Variants in XIRP2 observed in about 807,000 individuals in gnomAD.
XIRP2 encodes the protein xin actin binding repeat containing 2, also known as xin actin-binding repeat-containing protein 2.
XIRP2 carries 236 observed loss-of-function variants against 277.0 expected under a neutral mutation model. The observed-to-expected ratio is 0.85, with a 90% CI of 0.77 to 0.95. XIRP2 has a LOEUF of 0.95. Ranked by LOEUF, XIRP2 falls within the 40% of genes least tolerant of loss-of-function variation. The pLI is 0.00. For missense variants in XIRP2, 4,640 were observed against 4,157.5 expected, an observed-to-expected ratio of 1.12 and a Z score of -3.19; for synonymous variants, 1,490 against 1,416.5, an observed-to-expected ratio of 1.05 and a Z score of -1.17.
rs183737294 is a variant in XIRP2, at chr2:167,078,816, C to T, written c.409-57093C>T. 2.3e-3 allele frequency among the ~76,000 whole-genome samples: 309 copies of T among 136,652 alleles called. 7 individuals are homozygous for T. The highest frequency in any genetic ancestry group is 3.4e-4 in the Non-Finnish European group (22 of 65,122). The allele number at this position is 136,652 out of a possible 152,430, so 89.6% of individuals were successfully genotyped here. The stretch of plus-strand genomic sequence containing the variant: ...TCGCGCCACTGCACTCCAGCCTGAG[C>T]GACACAGTGAGACTCCGTCTCAAAA... On this transcript the variant is annotated intron_variant, in intron 2 of 10. Coordinates refer to ENST00000409195, the MANE Select transcript of XIRP2 (RefSeq NM_152381.6).
At chr2:166,979,780 G>A (rs1471583288) in intron 2 of XIRP2, among the ~76,000 whole-genome samples, 1 of 152,002 alleles carries the variant, frequency 6.6e-6, no homozygotes, top group African/African-American at 2.4e-5. Context: ...GATTAATTTC[G>A]ATTGCCAATA....
chr2:167,201,272 GAAA>G (rs1693704928), intron 3 of XIRP2, among the ~76,000 whole-genome samples: 1 of 146,960 alleles, frequency 6.8e-6, no homozygotes, highest in Non-Finnish European at 1.5e-5. Flanking sequence ...GAGAGAGGGA[GAAA>G]GGAAAGAAGG....
At chr2:167,023,152 T>C (rs552127006) in intron 2 of XIRP2, among the ~76,000 whole-genome samples, 26 of 152,346 alleles carry the variant, frequency 1.7e-4, no homozygotes, top group African/African-American at 6.3e-4. Context: ...CCATTCTAAC[T>C]GGTGTGAGAT....
intron 5 of XIRP2, among the ~76,000 whole-genome samples, chr2:167,232,041 C>A (rs570166249): frequency 6.6e-6 from 1 of 151,948 alleles, no homozygotes; most frequent in Non-Finnish European, 1.5e-5. Context: ...CCACCCATTG[C>A]CTCTTCAATA....
intron 2 of XIRP2, among the ~76,000 whole-genome samples, chr2:166,982,072 A>T (rs1310144367): frequency 6.6e-6 from 1 of 151,866 alleles, no homozygotes; most frequent in Non-Finnish European, 1.5e-5. Flanking sequence ...CTTTTACTTG[A>T]AAATGTCTTT....
chr2:167,167,524 C>A (rs565698457), intron 3 of XIRP2, among the ~76,000 whole-genome samples: 1 of 152,108 alleles, frequency 6.6e-6, no homozygotes, highest in African/African-American at 2.4e-5. Context: ...TAGTTGTTCT[C>A]AAATTTGCAA....
intron 2 of XIRP2, among the ~76,000 whole-genome samples, chr2:167,047,297 T>A (rs935328147): frequency 6.6e-6 from 1 of 151,656 alleles, no homozygotes; most frequent in South Asian, 2.1e-4. Context: ...AATAACAAAA[T>A]ATGTGATTAA....
intron 2 of XIRP2, among the ~76,000 whole-genome samples, chr2:167,020,930 A>G (rs1687964922): frequency 6.6e-6 from 1 of 152,100 alleles, no homozygotes; most frequent in Non-Finnish European, 1.5e-5. Flanking sequence ...GTTAATTGAA[A>G]TAATCTGCTA....
At chr2:167,056,960 T>C (rs542768010) in intron 2 of XIRP2, among the ~76,000 whole-genome samples, 2 of 152,310 alleles carry the variant, frequency 1.3e-5, no homozygotes, top group African/African-American at 4.8e-5. Context: ...CATTGAAAAC[T>C]TGTTTACTCT....
At chr2:167,010,294 C>T (rs1280931123) in intron 2 of XIRP2, among the ~76,000 whole-genome samples, 2 of 151,448 alleles carry the variant, frequency 1.3e-5, no homozygotes, top group Non-Finnish European at 3.0e-5. Context: ...ATATGGCTAG[C>T]CAGTTTTCCC....
intron 2 of XIRP2, among the ~76,000 whole-genome samples, chr2:166,924,871 A>G (rs1014748369): frequency 6.6e-6 from 1 of 152,082 alleles, no homozygotes; most frequent in African/African-American, 2.4e-5. Context: ...TAAGGGTTCC[A>G]TAGAACTACC....
intron 2 of XIRP2, among the ~76,000 whole-genome samples, chr2:166,934,181 G>GA (rs1212238788): frequency 1.6e-5 from 1 of 63,694 alleles, no homozygotes; most frequent in Non-Finnish European, 3.0e-5. Context: ...TTTTGTTTAG[G>GA]AAAAAATCAA....
chr2:166,917,901 T>A (rs1684932809), intron 2 of XIRP2, among the ~76,000 whole-genome samples: 2 of 152,314 alleles, frequency 1.3e-5, no homozygotes, highest in African/African-American at 2.4e-5. Flanking sequence ...GTGACTATTT[T>A]TTTCCTTTCC....
At chr2:167,097,443 G>A (rs1558979211) in intron 2 of XIRP2, among the ~76,000 whole-genome samples, 1 of 151,836 alleles carries the variant, frequency 6.6e-6, no homozygotes, top group Non-Finnish European at 1.5e-5. Flanking sequence ...GAGCCTATGT[G>A]TGTCTTCACA....
intron 3 of XIRP2, among the ~76,000 whole-genome samples, chr2:167,175,329 C>T (rs1036546059): frequency 2.0e-5 from 3 of 152,126 alleles, no homozygotes; most frequent in African/African-American, 4.8e-5. Flanking sequence ...TAGTGGATGT[C>T]CTTTTTGTTG....
chr2:167,026,006 T>A (rs1394967338), intron 2 of XIRP2, among the ~76,000 whole-genome samples: 1 of 152,166 alleles, frequency 6.6e-6, no homozygotes, highest in African/African-American at 2.4e-5. Context: ...TTCCTGGGTA[T>A]CCTTGTTAAC....
intron 2 of XIRP2, among the ~76,000 whole-genome samples, chr2:167,081,215 C>G (rs1409385728): frequency 6.6e-6 from 1 of 152,114 alleles, no homozygotes; most frequent in East Asian, 1.9e-4. Flanking sequence ...CCTATAATCC[C>G]AGCACTTTGG....
Position 167,243,185 on chromosome 2 carries a change from A to G in XIRP2, c.1793A>G (p.Asp598Gly). The change falls in exon 9 of 11, where the codon GAT becomes GGT. Residue 598 changes from aspartate (D) to glycine (G), a missense_variant. Physicochemically the swap from Asp to Gly is moderately conservative, Grantham distance 94. Transcript: ENST00000409195. The part of the protein sequence containing the change: ...SINNGSPDEG[D>G]ISRGIADQEI... ...AACAATGGCTCTCCTGATGAAGGTG[A>G]TATTTCCAGGGGCATTGCTGATCAA... 1 of 1,614,132 alleles carries G rather than the reference A, an allele frequency of 6.2e-7. No individual in the cohort carries two copies. The highest frequency in any genetic ancestry group is 8.5e-7 in the Non-Finnish European group (1 of 1,180,002).
chr2:167,250,480 A>C lies in XIRP2; in HGVS notation c.9088A>C (p.Ile3030Leu). ...EDMLVSYENI[I>L]QTAMMSSKTG... ...TATGCTTGTGTCCTATGAAAATATA[A>C]TTCAGACAGCCATGATGTCCTCCAA... The change falls in exon 9 of 11, where the codon ATT (isoleucine) becomes CTT (leucine). Residue 3030 changes from isoleucine (I) to leucine (L), a missense_variant. Physicochemically the swap from Ile to Leu is conservative, Grantham distance 5. Transcript: ENST00000409195. 1.9e-6 allele frequency: 3 copies of C among 1,613,460 alleles called. No individual in the cohort carries two copies. Among genetic ancestry groups the C allele is most frequent in the South Asian group, 1.1e-5 (1 of 91,018 alleles).
Sources: gnomAD v4.1 joint callset for allele counts (sites outside exome capture counted in the v4.1 genomes callset) on GRCh38, gnomAD v4.1.1 for gene constraint, MANE v1.5 for transcripts, NCBI Gene and HGNC (gene_info 2026-07-23, HGNC 2026-07-21) for gene names.